The following WNK3 variants were observed in gnomAD, a reference collection of about 807,000 sequenced individuals.
WNK3 encodes the protein WNK lysine deficient protein kinase 3.
A neutral mutation model predicts 116.7 loss-of-function variants in WNK3; 18 were observed. That is an observed-to-expected ratio of 0.15 (90% CI 0.11 to 0.23). The LOEUF is 0.23. Ranked by LOEUF, WNK3 falls within the 10% of genes least tolerant of loss-of-function variation. WNK3 has a pLI of 1.00. For synonymous variants in WNK3, 404 were observed against 469.4 expected (o/e 0.86, Z 1.80); for missense variants, 993 against 1,323.8 (o/e 0.75, Z 3.88).
chrX:54,317,109 C>A (rs922777201), intron 2 of WNK3, among the ~76,000 whole-genome samples: 6 of 110,569 alleles, frequency 5.4e-5, no homozygotes, highest in Non-Finnish European at 1.9e-5. Context: ...TACTGTTTAG[C>A]CTTAAAGAGA....
intron 10 of WNK3, among the ~76,000 whole-genome samples, chrX:54,279,739 CT>C (rs2068493537): frequency 8.9e-6 from 1 of 111,742 alleles, no homozygotes; most frequent in Admixed American, 9.6e-5. Context: ...ACACAAGAAA[CT>C]TTTGGGTGTT....
intron 10 of WNK3, among the ~76,000 whole-genome samples, chrX:54,285,045 C>T (rs2068564677): frequency 9.0e-6 from 1 of 110,926 alleles, no homozygotes; most frequent in East Asian, 2.8e-4. Flanking sequence ...TCAGAGAAGC[C>T]TTACACAAGA....
chrX:54,249,083 G>A (rs2068101414), exon 17 of WNK3: 1 of 1,211,987 alleles, frequency 8.3e-7, no homozygotes, highest in Non-Finnish European at 1.1e-6. Context: ...ACAGTAGTGG[G>A]TTGAAGGGTA....
intron 9 of WNK3, 37 bp downstream of exon 9, chrX:54,293,097 C>T (rs782041644): frequency 2.5e-6 from 3 of 1,182,527 alleles, no homozygotes; most frequent in South Asian, 1.9e-5. Context: ...AGTAAATACA[C>T]TGATTATATA....
intron 21 of WNK3, 27 bp from the exon 22 acceptor site, chrX:54,228,770 A>G: frequency 2.1e-6 from 1 of 468,169 alleles, no homozygotes; most frequent in Non-Finnish European, 3.8e-6. Flanking sequence ...AAAAGATAGT[A>G]TCAAAATTTT....
intron 22 of WNK3, among the ~76,000 whole-genome samples, chrX:54,210,457 CA>C (rs1293636843): frequency 9.1e-6 from 1 of 110,204 alleles, no homozygotes; most frequent in African/African-American, 3.3e-5. Flanking sequence ...CCCATCTCTA[CA>C]AAAAAAATTT....
intron 22 of WNK3, among the ~76,000 whole-genome samples, chrX:54,215,143 C>T (rs1202969344): frequency 9.6e-6 from 1 of 104,661 alleles, no homozygotes; most frequent in Non-Finnish European, 1.9e-5. Context: ...AAAAAAACAC[C>T]ATCTCCAGTG....
chrX:54,237,698 G>A (rs2067978930), intron 19 of WNK3, 147 bp from the exon 20 acceptor site: 2 of 486,535 alleles, frequency 4.1e-6, no homozygotes, highest in Non-Finnish European at 6.2e-6. Flanking sequence ...TGGGTAAAGA[G>A]AGTGGGCATC....
At chrX:54,306,540 C>T (rs2068827580) in intron 5 of WNK3, among the ~76,000 whole-genome samples, 1 of 111,325 alleles carries the variant, frequency 9.0e-6, no homozygotes, top group African/African-American at 3.3e-5. Context: ...TAAACCAGCA[C>T]AGAAAGACAA....
intron 10 of WNK3, among the ~76,000 whole-genome samples, chrX:54,264,499 G>A (rs1292781196): frequency 9.1e-6 from 1 of 110,034 alleles, no homozygotes; most frequent in Admixed American, 9.9e-5. Context: ...TTAAAAAACT[G>A]ATCCAAAAGC....
At chrX:54,298,455 T>C in intron 6 of WNK3, 61 bp from the exon 7 acceptor site, 1 of 835,319 alleles carries the variant, frequency 1.2e-6, no homozygotes, top group Non-Finnish European at 1.7e-6. Context: ...ACCCTTTAAT[T>C]ACTAAAAATT....
At chrX:54,202,332 C>T in intron 22 of WNK3, 139 bp from the exon 23 acceptor site, 1 of 519,868 alleles carries the variant, frequency 1.9e-6, no homozygotes, top group South Asian at 3.3e-5. Context: ...TCTAGTTTAC[C>T]TGCGTCGTCC....
intron 22 of WNK3, chrX:54,224,075 C>T (rs782406449): frequency 7.2e-4 from 85 of 117,914 alleles, no homozygotes; most frequent in Non-Finnish European, 1.2e-3. Context: ...TCCCATTGGC[C>T]AGGCGCAGTG....
chrX:54,280,796 A>G (rs2068507701), intron 10 of WNK3, among the ~76,000 whole-genome samples: 1 of 111,037 alleles, frequency 9.0e-6, no homozygotes, highest in South Asian at 3.8e-4. Flanking sequence ...AGAGAAAGGG[A>G]TGGGGAAAAA....
chrX:54,205,620 C>T lies in WNK3; in HGVS notation c.4871-3427G>A, dbSNP rs782397594. ...ACAACTACACACACACATACACACA[C>T]AAACACACACAAAGTTATGAAGAAC... On this transcript the variant is annotated intron_variant, in intron 22 of 23. Transcript: ENST00000354646. Among the ~76,000 whole-genome samples the T allele has an allele frequency of 5.8e-4, 65 of 111,881 alleles. 1 individual carries two copies. Among genetic ancestry groups the T allele is most frequent in the African/African-American group, 1.9e-3 (60 of 30,836 alleles).
chrX:54,346,279 C>CAAAAA (rs150788845), intron 1 of WNK3, among the ~76,000 whole-genome samples: 42 of 30,283 alleles, frequency 1.4e-3, no homozygotes, highest in Non-Finnish European at 1.6e-3. Context: ...GCTGATCAGC[C>CAAAAA]AAAAAAAAAA....
rs1341737424 is a variant in WNK3, at chrX:54,260,887, A to AT, written c.2038-1550dup. Among the ~76,000 whole-genome samples the AT allele has an allele frequency of 6.5e-3, 603 of 93,156 alleles. 4 individuals are homozygous for AT. The highest frequency in any genetic ancestry group is 0.011 in the Middle Eastern group (2 of 187). The allele number at this position is 93,156 out of a possible 115,157, so 80.9% of individuals were successfully genotyped here. ...CAGGCGCGTACCACCACACCCGGCT[A>AT]TTTTTTTTTTTTTTGTATTTTTAGT... On this transcript the variant is annotated intron_variant, in intron 10 of 23. Coordinates refer to ENST00000354646, the Ensembl canonical transcript of WNK3.
At chrX:54,291,237 C>T (rs192781906) in intron 10 of WNK3, among the ~76,000 whole-genome samples, 101 of 110,345 alleles carry the variant, frequency 9.2e-4, no homozygotes, top group Non-Finnish European at 3.0e-4. Context: ...CGTTTGAACC[C>T]GGGAGGCGGA....
chrX:54,358,890 C>T (rs2069638634), upstream of WNK3, among the ~76,000 whole-genome samples: 1 of 112,658 alleles, frequency 8.9e-6, no homozygotes, highest in African/African-American at 3.2e-5. Context: ...TTGCCGGGAA[C>T]AATGGCCCTC....
Sources: gnomAD v4.1 joint callset for allele counts (sites outside exome capture counted in the v4.1 genomes callset) on GRCh38, gnomAD v4.1.1 for gene constraint, MANE v1.5 for transcripts, NCBI Gene and HGNC (gene_info 2026-07-23, HGNC 2026-07-21) for gene names.